Variants in SLCO1A2 observed in about 807,000 individuals in gnomAD.
SLCO1A2 encodes the protein OATP-1.
SLCO1A2 carries 67 observed loss-of-function variants against 69.0 expected under a neutral mutation model. The observed-to-expected ratio is 0.97, with a 90% CI of 0.80 to 1.19. The LOEUF (loss-of-function observed/expected upper bound fraction) is 1.19, where lower values mean the gene tolerates loss of function less well. Among genes scored for constraint, SLCO1A2 ranks in the 50% most tolerant of loss-of-function variants. The pLI is 0.00. For synonymous variants in SLCO1A2, 260 were observed against 265.9 expected (o/e 0.98, Z 0.22); for missense variants, 787 against 793.7 (o/e 0.99, Z 0.10).
At chr12:21,362,040 G>T (rs1343127048) in intron 2 of SLCO1A2, among the ~76,000 whole-genome samples, 9 of 152,048 alleles carry the variant, frequency 5.9e-5, no homozygotes, top group Non-Finnish European at 1.0e-4. Context: ...AGAAAATACA[G>T]AGAATGCCAC....
At chr12:21,330,970 T>G (rs911262987) in intron 2 of SLCO1A2, among the ~76,000 whole-genome samples, 3 of 152,192 alleles carry the variant, frequency 2.0e-5, no homozygotes, top group Non-Finnish European at 4.4e-5. Flanking sequence ...AAATTCATCA[T>G]GCAAGATTCT....
At chr12:21,271,571 C>A (rs1444948452) in intron 14 of SLCO1A2, among the ~76,000 whole-genome samples, 2 of 149,612 alleles carry the variant, frequency 1.3e-5, no homozygotes, top group South Asian at 4.2e-4. Context: ...TAATTTTCAG[C>A]CTTTTATGTG....
chr12:21,362,360 G>A (rs899656571), intron 2 of SLCO1A2, among the ~76,000 whole-genome samples: 1 of 152,080 alleles, frequency 6.6e-6, no homozygotes, highest in Non-Finnish European at 1.5e-5. Context: ...GAGAGATTTT[G>A]TCACCACCAT....
chr12:21,393,743 T>C (rs182475938), intron 1 of SLCO1A2, among the ~76,000 whole-genome samples: 52 of 152,328 alleles, frequency 3.4e-4, no homozygotes, highest in East Asian at 2.9e-3. Flanking sequence ...ATCTCAGAAA[T>C]TGGCAAAATG....
chr12:21,369,529 A>G (rs1939631934), intron 2 of SLCO1A2, among the ~76,000 whole-genome samples: 1 of 152,216 alleles, frequency 6.6e-6, no homozygotes, highest in South Asian at 2.1e-4. Flanking sequence ...CACTATCTAT[A>G]AATTAGAGCA....
rs186165488 is a variant in SLCO1A2 at position 21,323,735 on chromosome 12, T to C, written c.61-4812A>G. Among the ~76,000 whole-genome samples the C allele has an allele frequency of 8.0e-3, 1,216 of 152,306 alleles. 9 individuals are homozygous for C. Among genetic ancestry groups the C allele is most frequent in the Non-Finnish European group, 0.011 (778 of 68,006 alleles). On this transcript the variant is annotated intron_variant, in intron 2 of 14. Coordinates refer to ENST00000683939, the MANE Select transcript of SLCO1A2 (RefSeq NM_001386879.1). Reference sequence around the variant, plus strand: ...TCTACAAATAGCATGACATTCTTCATGGTTGGGCTGGATGAAAAGATGCCT... The same window carrying C: ...TCTACAAATAGCATGACATTCTTCACGGTTGGGCTGGATGAAAAGATGCCT...
chr12:21,390,895 C>T (rs1434205030), intron 1 of SLCO1A2, among the ~76,000 whole-genome samples: 2 of 152,178 alleles, frequency 1.3e-5, no homozygotes, highest in Admixed American at 6.5e-5. Flanking sequence ...GACAAATTCA[C>T]TGAAAAGTTG....
intron 4 of SLCO1A2, among the ~76,000 whole-genome samples, chr12:21,314,118 A>G (rs925289057): frequency 1.3e-5 from 2 of 152,160 alleles, no homozygotes; most frequent in Non-Finnish European, 2.9e-5. Flanking sequence ...CTTTTTTGTA[A>G]TAGTTTTTAT....
At chr12:21,395,985 C>T (rs1223263122), upstream of SLCO1A2, among the ~76,000 whole-genome samples, 8 of 151,004 alleles carry the variant, frequency 5.3e-5, no homozygotes, top group South Asian at 2.1e-4. Context: ...TCCAAAGGAA[C>T]GCAGTTCCTC....
chr12:21,413,816 G>A (rs1045773046), intron 1 of SLCO1A2, among the ~76,000 whole-genome samples: 3 of 152,056 alleles, frequency 2.0e-5, no homozygotes, highest in African/African-American at 2.4e-5. Context: ...TAACAGAGGC[G>A]GCTGTTTGAA....
At chr12:21,358,065 T>A (rs1196339211) in intron 2 of SLCO1A2, among the ~76,000 whole-genome samples, 1 of 152,194 alleles carries the variant, frequency 6.6e-6, no homozygotes, top group African/African-American at 2.4e-5. Flanking sequence ...TTTACTCACA[T>A]GTTTTGAATC....
At chr12:21,318,418 G>T (rs184120321) in intron 3 of SLCO1A2, among the ~76,000 whole-genome samples, 1 of 151,996 alleles carries the variant, frequency 6.6e-6, no homozygotes, top group South Asian at 2.1e-4. Flanking sequence ...CTCGCCCGGC[G>T]GTCTTCTACC....
chr12:21,348,141 T>G (rs1376331002), intron 2 of SLCO1A2, among the ~76,000 whole-genome samples: 3 of 152,190 alleles, frequency 2.0e-5, no homozygotes, highest in African/African-American at 4.8e-5. Context: ...AGGTATATGT[T>G]TATGGGGTAC....
intron 4 of SLCO1A2, among the ~76,000 whole-genome samples, chr12:21,314,176 T>G (rs900041654): frequency 6.6e-6 from 1 of 152,142 alleles, no homozygotes. Flanking sequence ...AAAAGAAAAA[T>G]CAGCCTTCAG....
chr12:21,413,237 C>CTTTTTTTTTTTTTTTTTTTTTT (rs3983534), intron 1 of SLCO1A2, among the ~76,000 whole-genome samples: 32 of 99,464 alleles, frequency 3.2e-4, no homozygotes, highest in South Asian at 7.1e-4. Flanking sequence ...TTTTCTTTTT[C>CTTTTTTTTTTTTTTTTTTTTTT]TTTTTTTTTT....
rs749048350 is a variant in SLCO1A2 at position 21,314,614 on chromosome 12, G to A, written c.270C>T (p.Gly90=). 1 of 1,613,478 alleles carries A rather than the reference G, an allele frequency of 6.2e-7. No individual in the cohort carries two copies. Among genetic ancestry groups the A allele is most frequent in the Non-Finnish European group, 8.5e-7 (1 of 1,179,438 alleles). Residue 90 remains glycine (G), a synonymous_variant, in exon 4 of 15, where the codon GGC becomes GGT. Transcript: ENST00000683939. ...CTAAGCCCATAACCACACATCCAAT[G>A]CCAATCATTATAGGTCTATGCAGTT... is the stretch of plus-strand genomic sequence containing the variant. ...GTKLHRPIMI[G]IGCVVMGLGC...
intron 9 of SLCO1A2, among the ~76,000 whole-genome samples, chr12:21,297,136 A>T (rs1947836820): frequency 6.6e-6 from 1 of 152,174 alleles, no homozygotes; most frequent in South Asian, 2.1e-4. Flanking sequence ...ATGAATTCAC[A>T]TTCTGACTTC....
chr12:21,396,888 G>A (rs963141975), upstream of SLCO1A2, among the ~76,000 whole-genome samples: 1 of 152,070 alleles, frequency 6.6e-6, no homozygotes. Flanking sequence ...AACATGGAAA[G>A]GAACGACTGG....
intron 12 of SLCO1A2, 138 bp from the exon 13 acceptor site, chr12:21,275,562 TCAGGGCTTTATTATC>T: frequency 1.1e-6 from 1 of 890,726 alleles, no homozygotes; most frequent in Non-Finnish European, 1.5e-6. Flanking sequence ...TATTGGTTAT[TCAGGGCTTTATTATC>T]CAGCTGGCAG....
Sources: gnomAD v4.1 joint callset for allele counts (sites outside exome capture counted in the v4.1 genomes callset) on GRCh38, gnomAD v4.1.1 for gene constraint, MANE v1.5 for transcripts, NCBI Gene and HGNC (gene_info 2026-07-23, HGNC 2026-07-21) for gene names.